The following THSD7A variants were observed in gnomAD, a reference collection of about 807,000 sequenced individuals.
THSD7A encodes thrombospondin type-1 domain-containing protein 7A.
A neutral mutation model predicts 231.3 loss-of-function variants in THSD7A; 96 were observed. The observed-to-expected ratio is 0.41, with a 90% CI of 0.35 to 0.49. The LOEUF (loss-of-function observed/expected upper bound fraction) is 0.49. THSD7A is among the 20% of genes least tolerant of loss of function. The probability of loss-of-function intolerance (pLI) is 0.05; values close to 1 mark genes in which losing one functional copy is unlikely to be tolerated. For missense variants in THSD7A, 2,290 were observed against 2,070.2 expected, an observed-to-expected ratio of 1.11 and a Z score of -2.06; for synonymous variants, 940 against 743.3, an observed-to-expected ratio of 1.26 and a Z score of -4.30.
At chr7:11,473,770 T>C (rs28599588) in intron 8 of THSD7A, among the ~76,000 whole-genome samples, 98,244 of 151,956 alleles carry the variant, frequency 0.65, 32,078 homozygotes, top group East Asian at 0.89. Context: ...GAGAAAATGA[T>C]AGTTTTTCTA....
At chr7:11,707,244 C>T (rs1372045206) in intron 1 of THSD7A, among the ~76,000 whole-genome samples, 2 of 150,742 alleles carry the variant, frequency 1.3e-5, no homozygotes, top group East Asian at 3.9e-4. Flanking sequence ...AAATTTAATC[C>T]CAAGTAGCTG....
At chr7:11,723,239 A>G (rs1400982149) in intron 1 of THSD7A, among the ~76,000 whole-genome samples, 1 of 146,764 alleles carries the variant, frequency 6.8e-6, no homozygotes, top group East Asian at 2.1e-4. Context: ...AAAACCAAAC[A>G]CCGCATGTCC....
intron 1 of THSD7A, among the ~76,000 whole-genome samples, chr7:11,736,821 A>G (rs901188044): frequency 6.6e-6 from 1 of 151,804 alleles, no homozygotes; most frequent in African/African-American, 2.4e-5. Context: ...CCCAAATCTC[A>G]TCTTAAATTG....
intron 6 of THSD7A, among the ~76,000 whole-genome samples, chr7:11,536,301 T>C (rs368118081): frequency 6.6e-5 from 10 of 152,176 alleles, no homozygotes; most frequent in Admixed American, 2.0e-4. Context: ...TACCACATAA[T>C]TGGATTTCGT....
chr7:11,813,345 T>C (rs971413392), intron 1 of THSD7A, among the ~76,000 whole-genome samples: 4 of 152,184 alleles, frequency 2.6e-5, no homozygotes, highest in Admixed American at 6.5e-5. Flanking sequence ...TCTAATTACA[T>C]GTTTTTAAAT....
intron 3 of THSD7A, among the ~76,000 whole-genome samples, chr7:11,591,220 C>T (rs1260841737): frequency 4.1e-5 from 6 of 146,822 alleles, no homozygotes; most frequent in African/African-American, 1.5e-4. Context: ...ATGCAAAGAG[C>T]TGGCACTTCT....
chr7:11,676,745 G>C (rs1047831912), intron 1 of THSD7A, among the ~76,000 whole-genome samples: 4 of 152,112 alleles, frequency 2.6e-5, no homozygotes, highest in Non-Finnish European at 5.9e-5. Context: ...AACAAACAAA[G>C]CCTCCAAGAA....
chr7:11,753,968 T>C (rs1045892175), intron 1 of THSD7A, among the ~76,000 whole-genome samples: 13 of 152,006 alleles, frequency 8.6e-5, no homozygotes, highest in Admixed American at 8.5e-4. Context: ...AGACACACTA[T>C]GGAAAGGACA....
chr7:11,401,736 A>ATT, intron 23 of THSD7A, 59 bp downstream of exon 23: 8 of 1,258,958 alleles, frequency 6.4e-6, no homozygotes, highest in South Asian at 6.2e-5. Flanking sequence ...TTAACAGACT[A>ATT]TTTTTTTTTT....
At chr7:11,625,651 TAA>T (rs1781452767) in intron 2 of THSD7A, among the ~76,000 whole-genome samples, 1 of 152,122 alleles carries the variant, frequency 6.6e-6, no homozygotes, top group African/African-American at 2.4e-5. Context: ...ATGGAATTAC[TAA>T]TATAATGTGT....
chr7:11,615,703 C>T (rs1781082673), intron 2 of THSD7A, among the ~76,000 whole-genome samples: 1 of 152,070 alleles, frequency 6.6e-6, no homozygotes. Flanking sequence ...ACAACCTTTT[C>T]TTTTAATTGC....
intron 11 of THSD7A, among the ~76,000 whole-genome samples, chr7:11,455,823 GT>G (rs1223900599): frequency 6.6e-6 from 1 of 151,972 alleles, no homozygotes; most frequent in Non-Finnish European, 1.5e-5. Context: ...TAAGTAAACA[GT>G]TTACAATTTT....
chr7:11,381,011 A>G (rs1332493666), intron 24 of THSD7A, among the ~76,000 whole-genome samples: 1 of 152,156 alleles, frequency 6.6e-6, no homozygotes, highest in Non-Finnish European at 1.5e-5. Flanking sequence ...ATTTGCATCC[A>G]TTATTGAAAA....
chr7:11,731,219 AG>A (rs1781721109), intron 1 of THSD7A, among the ~76,000 whole-genome samples: 1 of 151,496 alleles, frequency 6.6e-6, no homozygotes, highest in Non-Finnish European at 1.5e-5. Flanking sequence ...GCCCTATTAC[AG>A]ACATTGATTA....
chr7:11,678,140 A>G (rs1286531560), intron 1 of THSD7A, among the ~76,000 whole-genome samples: 2 of 152,182 alleles, frequency 1.3e-5, no homozygotes, highest in African/African-American at 4.8e-5. Context: ...TGTTCTTTGA[A>G]ACCAATGAGA....
intron 23 of THSD7A, among the ~76,000 whole-genome samples, chr7:11,393,660 T>C (rs928458013): frequency 6.6e-6 from 1 of 152,154 alleles, no homozygotes; most frequent in African/African-American, 2.4e-5. Context: ...CCAGTTTAGA[T>C]AACAGCATAA....
chr7:11,375,558 A>AGTTT lies in THSD7A; in HGVS notation c.*235_*236insAAAC. On this transcript the variant is annotated 3_prime_UTR_variant, in exon 28 of 28. Transcript: ENST00000423059. The stretch of plus-strand genomic sequence containing the variant: ...GAAAAGATGACATAAAACTTTCAGA[A>AGTTT]TGCAGCATGTATTCAGCTAAATCTC... The AGTTT allele has an allele frequency of 2.8e-6, 1 of 352,254 alleles. No homozygotes were observed. The highest frequency in any genetic ancestry group is 7.6e-4 in the Middle Eastern group (1 of 1,324). The allele number at this position is 352,254 out of a possible 1,614,324, so 21.8% of individuals were successfully genotyped here. A position where few individuals can be genotyped will look rare whatever the true frequency, so the allele number is the denominator to read the frequency against.
chr7:11,519,708 T>C (rs533760530), intron 6 of THSD7A, among the ~76,000 whole-genome samples: 1 of 152,326 alleles, frequency 6.6e-6, no homozygotes, highest in African/African-American at 2.4e-5. Context: ...CGTTCAAACA[T>C]TCGATTATCC....
intron 1 of THSD7A, among the ~76,000 whole-genome samples, chr7:11,800,084 A>T (rs1218790731): frequency 6.6e-6 from 1 of 152,186 alleles, no homozygotes; most frequent in East Asian, 1.9e-4. Flanking sequence ...GATCACAGGA[A>T]GAAGGTGCAG....
Sources: gnomAD v4.1 joint callset for allele counts (sites outside exome capture counted in the v4.1 genomes callset) on GRCh38, gnomAD v4.1.1 for gene constraint, MANE v1.5 for transcripts, NCBI Gene and HGNC (gene_info 2026-07-23, HGNC 2026-07-21) for gene names.